CFAP74: variants seen among roughly 807,000 people sequenced by gnomAD.
The protein encoded by CFAP74 is cilia- and flagella-associated protein 74.
In CFAP74, 124 loss-of-function variants were observed where a neutral mutation model predicts 188.9. The ratio of observed to expected loss-of-function variants is 0.66; its 90% CI spans 0.57 to 0.76. The LOEUF is 0.76. CFAP74 is among the 30% of genes least tolerant of loss of function. The pLI, the probability that CFAP74 is intolerant of heterozygous loss-of-function variation, is 0.00. For synonymous variants in CFAP74, 956 were observed against 916.7 expected (o/e 1.04, Z -0.77); for missense variants, 2,198 against 2,165.2 (o/e 1.02, Z -0.30).
At chr1:1,943,359 C>A (rs897062771) in intron 21 of CFAP74, among the ~76,000 whole-genome samples, 7 of 152,248 alleles carry the variant, frequency 4.6e-5, no homozygotes, top group African/African-American at 1.7e-4. Context: ...TGCACATTCC[C>A]GGCCCATGCC....
intron 12 of CFAP74, among the ~76,000 whole-genome samples, chr1:1,966,083 C>A (rs1278462871): frequency 6.6e-6 from 1 of 152,230 alleles, no homozygotes; most frequent in Non-Finnish European, 1.5e-5. Flanking sequence ...CTTTGGAGCC[C>A]CACCGTCCCT....
chr1:1,999,611 G>C lies in CFAP74; in HGVS notation c.-20+4090C>G, dbSNP rs182148017. Among the ~76,000 whole-genome samples the C allele has an allele frequency of 2.4e-3, 358 of 152,064 alleles. 2 individuals are homozygous for C. The highest frequency in any genetic ancestry group is 8.1e-3 in the African/African-American group (337 of 41,468). On this transcript the variant is annotated intron_variant, in intron 1 of 38. Transcript: ENST00000682832. ...GCAGGTGGGTCACTTGAGGTCAGGA[G>C]TTCGAGACCAGCCTGGCCAACATGG...
chr1:1,929,941 C>T (rs1003460533), intron 26 of CFAP74, 119 bp downstream of exon 26: 43 of 1,177,274 alleles, frequency 3.7e-5, no homozygotes, highest in Non-Finnish European at 4.6e-5. Flanking sequence ...TTCACTCCCG[C>T]CCCTGTTCTC....
rs749722768 is a variant in CFAP74, at chr1:1,950,278, G to A, written c.2177-3224C>T. Among the ~76,000 whole-genome samples the A allele has an allele frequency of 9.9e-5, 15 of 151,048 alleles. 1 individual carries two copies. The highest frequency in any genetic ancestry group is 2.1e-4 in the Non-Finnish European group (14 of 67,884). On this transcript the variant is annotated intron_variant, in intron 18 of 38. Transcript: ENST00000682832. Reference sequence around the variant, plus strand: ...TGATGTTGAGCGTCTTTTCATGTGCGAATTTCTCATCCACGTACGTATCTT... The same window carrying A: ...TGATGTTGAGCGTCTTTTCATGTGCAAATTTCTCATCCACGTACGTATCTT...
intron 18 of CFAP74, among the ~76,000 whole-genome samples, chr1:1,949,028 C>CCCCCTCCCTCCTTCCTTCCT: frequency 1.1e-5 from 1 of 90,802 alleles, no homozygotes; most frequent in Non-Finnish European, 2.2e-5. Context: ...CCTTCCTTCT[C>CCCCCTCCCTCCTTCCTTCCT]TCCCTCCCTC....
intron 25 of CFAP74, among the ~76,000 whole-genome samples, chr1:1,937,978 G>A (rs778470732): frequency 1.3e-5 from 2 of 151,726 alleles, no homozygotes; most frequent in African/African-American, 2.4e-5. Context: ...ATGCACTCAC[G>A]CATGGTCGCA....
intron 25 of CFAP74, among the ~76,000 whole-genome samples, chr1:1,938,205 TCACA>T (rs1180179364): frequency 2.4e-5 from 3 of 124,666 alleles, no homozygotes; most frequent in Admixed American, 8.0e-5. Context: ...AGTCACATGC[TCACA>T]CATACATGCA....
At chr1:1,946,285 T>G (rs1570882414) in intron 20 of CFAP74, 32 bp downstream of exon 20, 1 of 1,514,548 alleles carries the variant, frequency 6.6e-7, no homozygotes. Flanking sequence ...GGGGCCAGGG[T>G]GTGTGCGTGG....
chr1:1,938,852 C>T lies in CFAP74; in HGVS notation c.3011+3G>A, dbSNP rs1261153426. ...CTGCGTCCCCTCTCCCTGGCAGGCT[C>T]ACCGGTTGATCTCAGACTTGCAGGT... is the stretch of plus-strand genomic sequence containing the variant. On this transcript the variant is annotated splice_donor_region_variant and intron_variant, in intron 25 of 38. Coordinates refer to ENST00000682832, the MANE Select transcript of CFAP74 (RefSeq NM_001304360.2). 3 of 1,535,996 alleles carry T rather than the reference C, an allele frequency of 2.0e-6. No homozygotes were observed. The highest frequency in any genetic ancestry group is 2.6e-6 in the Non-Finnish European group (3 of 1,146,774).
intron 20 of CFAP74, 32 bp downstream of exon 20, chr1:1,946,285 T>C: frequency 6.6e-7 from 1 of 1,514,548 alleles, no homozygotes; most frequent in Non-Finnish European, 8.8e-7. Flanking sequence ...GGGGCCAGGG[T>C]GTGTGCGTGG....
intron 25 of CFAP74, among the ~76,000 whole-genome samples, chr1:1,931,033 C>T (rs776307081): frequency 2.0e-5 from 3 of 152,150 alleles, no homozygotes; most frequent in Non-Finnish European, 2.9e-5. Flanking sequence ...AAGGACAATA[C>T]TCCTATCACA....
intron 6 of CFAP74, 165 bp downstream of exon 6, chr1:1,985,221 A>G: frequency 1.7e-6 from 1 of 587,480 alleles, no homozygotes; most frequent in Non-Finnish European, 3.1e-6. Flanking sequence ...CAACGTGAAG[A>G]CTAACCCTTC....
At chr1:1,969,161 T>A (rs186805824) in intron 10 of CFAP74, among the ~76,000 whole-genome samples, 5 of 132,794 alleles carry the variant, frequency 3.8e-5, no homozygotes, top group Admixed American at 7.3e-5. Context: ...CCAAGCCCAG[T>A]CCTGCTCAGT....
chr1:1,928,711 C>T lies in CFAP74; in HGVS notation c.3387+73G>A, dbSNP rs575781643. On this transcript the variant is annotated intron_variant, in intron 27 of 38. Coordinates refer to ENST00000682832, the MANE Select transcript of CFAP74 (RefSeq NM_001304360.2). ...CACGTGGCCGGAGCCCCCCAGGACT[C>T]GAAGGCGGTGGAGTTTGTTCCTGCA... 47 of 1,184,232 alleles carry T rather than the reference C, an allele frequency of 4.0e-5. 1 individual carries two copies. In the African/African-American group the frequency reaches 5.0e-4, roughly 13 times the overall value. The allele number at this position is 1,184,232 out of a possible 1,614,324, so 73.4% of individuals were successfully genotyped here. A position where few individuals can be genotyped will look rare whatever the true frequency, so the allele number is the denominator to read the frequency against.
intron 1 of CFAP74, among the ~76,000 whole-genome samples, chr1:2,002,561 T>A (rs1213464517): frequency 6.6e-6 from 1 of 150,914 alleles, no homozygotes; most frequent in Non-Finnish European, 1.5e-5. Context: ...TCCCAGCTAC[T>A]TGGGAGGCTG....
At chr1:1,966,004 G>A (rs975131821) in intron 12 of CFAP74, among the ~76,000 whole-genome samples, 15 of 152,234 alleles carry the variant, frequency 9.9e-5, no homozygotes, top group African/African-American at 2.4e-4. Context: ...AAGTTTGCAC[G>A]CTTCTTCTAG....
chr1:1,966,501 C>G lies in CFAP74; in HGVS notation c.1271G>C (p.Gly424Ala), dbSNP rs747878199. The G allele has an allele frequency of 2.3e-5, 37 of 1,583,438 alleles. 1 individual carries two copies. In the South Asian group the frequency reaches 3.9e-4, roughly 17 times the overall value. The change falls in exon 12 of 39, where the codon GGG becomes GCG. Residue 424 changes from glycine to alanine, a missense_variant. Coordinates refer to ENST00000682832, the MANE Select transcript of CFAP74 (RefSeq NM_001304360.2). ...AACGACTTCCAGCAACCGAGAGGGC[C>G]CGGGGCCTGCAGCAGCCTCGTAGTC... ...TLDYEAAAGP[G>A]PSRLLEVVSS... is the part of the protein sequence containing the mutation.
At chr1:1,986,364 G>A (rs958266458) in intron 5 of CFAP74, among the ~76,000 whole-genome samples, 2 of 152,182 alleles carry the variant, frequency 1.3e-5, no homozygotes, top group African/African-American at 4.8e-5. Context: ...GGGCCGGGAG[G>A]ACCTGCTGGT....
intron 21 of CFAP74, among the ~76,000 whole-genome samples, chr1:1,943,246 T>A (rs1366463766): frequency 6.6e-6 from 1 of 151,886 alleles, no homozygotes; most frequent in Non-Finnish European, 1.5e-5. Context: ...TTCTGTCAAG[T>A]TTCCAAGGCC....
Sources: allele counts gnomAD v4.1 joint callset (sites outside exome capture counted in the v4.1 genomes callset), GRCh38; gene constraint gnomAD v4.1.1; transcripts MANE v1.5; gene names NCBI Gene and HGNC (gene_info 2026-07-23, HGNC 2026-07-21).